The following DNAJC21 variants were observed in gnomAD, a reference collection of about 807,000 sequenced individuals.
DNAJC21 encodes the protein dnaJ homolog subfamily C member 21.
Under a neutral mutation model 72.4 loss-of-function variants are expected in DNAJC21, and 63 were observed. That is an observed-to-expected ratio of 0.87 (90% CI 0.71 to 1.07). DNAJC21 has a LOEUF of 1.07. DNAJC21 is among the 50% of genes least tolerant of loss of function. DNAJC21 has a pLI of 0.00. For synonymous variants in DNAJC21, 203 were observed against 216.7 expected, an observed-to-expected ratio of 0.94 and a Z score of 0.56; for missense variants, 634 against 644.8, an observed-to-expected ratio of 0.98 and a Z score of 0.18.
Position 34,949,491 on chromosome 5 carries a change from G to C in DNAJC21, c.1186-679G>C, listed in dbSNP as rs563669469. On this transcript the variant is annotated intron_variant, in intron 9 of 11. Coordinates refer to ENST00000648817, the MANE Select transcript of DNAJC21 (RefSeq NM_001012339.3). The stretch of plus-strand genomic sequence containing the variant: ...GTGGGTTGTGTAACAGATAATATTA[G>C]CATTAGATTCTTGAGTGTGAGTATT... 649 of 1,550,048 alleles carry C rather than the reference G, an allele frequency of 4.2e-4. 7 individuals are homozygous for C. The South Asian group carries it at 7.2e-3, about 17-fold the overall frequency.
Position 34,944,942 on chromosome 5 carries a change from A to G in DNAJC21, c.1059A>G (p.Glu353=). 6.2e-7 allele frequency: 1 copy of G among 1,614,242 alleles called. No homozygotes were observed. The highest frequency in any genetic ancestry group is 8.5e-7 in the Non-Finnish European group (1 of 1,180,038). ...ALLKQQLEEE[E]ENFSRPQIDE... is the part of the protein sequence containing the mutation. ...TAAAACAACAGCTGGAGGAGGAAGA[A>G]GAAAATTTTTCAAGACCTCAAATTG... The change falls in exon 8 of 12, where the codon GAA becomes GAG. Residue 353 remains glutamate (E), a synonymous_variant. Coordinates refer to ENST00000648817, the MANE Select transcript of DNAJC21 (RefSeq NM_001012339.3).
In DNAJC21 at chr5:34,929,878, A is replaced by G; in HGVS notation, c.59A>G (p.Lys20Arg). 6.3e-7 allele frequency: 1 copy of G among 1,584,562 alleles called. No individual in the cohort carries two copies. Among genetic ancestry groups the G allele is most frequent in the Non-Finnish European group, 8.6e-7 (1 of 1,166,194 alleles). The change falls in exon 1 of 12, where the codon AAG (lysine) becomes AGG (arginine). Residue 20 changes from lysine (K) to arginine (R), a missense_variant. Lys to Arg is a conservative substitution (Grantham distance 26). Coordinates refer to ENST00000648817, the MANE Select transcript of DNAJC21 (RefSeq NM_001012339.3). ...VRRDASEEEL[K>R]KAYRKLALKW... The stretch of plus-strand genomic sequence containing the variant: ...CGCGACGCCAGCGAGGAGGAGCTCA[A>G]GAAGGCCTATCGGAAGCTGGCCCTG...
intron 1 of DNAJC21, among the ~76,000 whole-genome samples, chr5:34,932,666 C>T (rs558384077): frequency 6.6e-6 from 1 of 152,262 alleles, no homozygotes; most frequent in South Asian, 2.1e-4. Context: ...AACCTGCTTC[C>T]AGCTCACCAA....
chr5:34,934,394 A>AT (rs375582769), intron 2 of DNAJC21, among the ~76,000 whole-genome samples: 4,818 of 134,466 alleles, frequency 0.036, 90 homozygotes, highest in Middle Eastern at 0.091. Context: ...ACACACCTGT[A>AT]TTTTTTTTTT....
chr5:34,944,676 A>T (rs1765113739), intron 7 of DNAJC21, among the ~76,000 whole-genome samples, 191 bp from the exon 8 acceptor site: 1 of 152,192 alleles, frequency 6.6e-6, no homozygotes, highest in Non-Finnish European at 1.5e-5. Flanking sequence ...CTGCCAAGGA[A>T]TCCTGACACG....
chr5:34,941,280 C>T, intron 7 of DNAJC21, 97 bp downstream of exon 7: 2 of 1,101,696 alleles, frequency 1.8e-6, no homozygotes, highest in Non-Finnish European at 1.3e-6. Flanking sequence ...TCACCACAGC[C>T]TCGACCTGTT....
rs889188358 is a variant in DNAJC21, at chr5:34,934,056, G to A, written c.191+148G>A. ...ACCTAGTCATCACATAAAATCTAAC[G>A]TTTGGGTCAGAAGGAAGCTTGGAAA... On this transcript the variant is annotated intron_variant, in intron 2 of 11. Coordinates refer to ENST00000648817, the MANE Select transcript of DNAJC21 (RefSeq NM_001012339.3). 2.7e-5 allele frequency: 17 copies of A among 621,824 alleles called. 1 individual carries two copies. Among genetic ancestry groups the A allele is most frequent in the Non-Finnish European group, 4.6e-5 (17 of 373,242 alleles). 38.5% of individuals were successfully genotyped at this position (621,824 alleles called of 1,614,324 possible).
chr5:34,951,878 T>C (rs553517692), intron 10 of DNAJC21: 1 of 985,504 alleles, frequency 1.0e-6, no homozygotes, highest in Non-Finnish European at 1.2e-6. Flanking sequence ...GTTCTCAGGC[T>C]TGGGCAACCA....
In DNAJC21 at chr5:34,954,805, T is replaced by C; in HGVS notation, c.*91T>C. 1.6e-6 allele frequency: 2 copies of C among 1,273,586 alleles called. No homozygotes were observed. The highest frequency in any genetic ancestry group is 2.1e-6 in the Non-Finnish European group (2 of 963,490). The allele number at this position is 1,273,586 out of a possible 1,614,324, so 78.9% of individuals were successfully genotyped here. ...ATCTAAAGAGTTAAAATTTCAGTGA[T>C]CTGCAATTAATTACATTGTGGAAGA... On this transcript the variant is annotated 3_prime_UTR_variant, in exon 12 of 12. Coordinates refer to ENST00000648817, the MANE Select transcript of DNAJC21 (RefSeq NM_001012339.3).
intron 7 of DNAJC21, 47 bp downstream of exon 7, chr5:34,941,230 C>A: frequency 6.5e-7 from 1 of 1,539,746 alleles, no homozygotes. Flanking sequence ...CAGGGTCTCA[C>A]TCTGTCACCA....
chr5:34,951,184 A>G (rs1339584043), intron 10 of DNAJC21: 43 of 985,460 alleles, frequency 4.4e-5, no homozygotes, highest in Non-Finnish European at 4.9e-5. Flanking sequence ...AAAAAGGTAT[A>G]TAAAGAACTA....
chr5:34,949,660 T>G lies in DNAJC21; in HGVS notation c.1186-510T>G, dbSNP rs1765294471. ...GAGCGAGCACAAATGTGCCAAAATG[T>G]TGCTTGAAAACAGACAGGTACGCTT... On this transcript the variant is annotated intron_variant, in intron 9 of 11. Coordinates refer to ENST00000648817, the MANE Select transcript of DNAJC21 (RefSeq NM_001012339.3). 1.9e-6 allele frequency: 3 copies of G among 1,613,666 alleles called. No individual in the cohort carries two copies. In the African/African-American group the frequency reaches 4.0e-5, roughly 22 times the overall value.
At chr5:34,938,735 G>A in intron 5 of DNAJC21, 123 bp from the exon 6 acceptor site, 3 of 1,091,554 alleles carry the variant, frequency 2.7e-6, no homozygotes, top group Non-Finnish European at 2.4e-6. Context: ...CAGGTTTTAA[G>A]TTTGTAAGCG....
chr5:34,946,862 AAC>A (rs1765188880), intron 9 of DNAJC21, among the ~76,000 whole-genome samples: 1 of 152,214 alleles, frequency 6.6e-6, no homozygotes, highest in African/African-American at 2.4e-5. Context: ...TGCAACCATA[AAC>A]ACATACGTTA....
At chr5:34,943,338 G>A (rs914006932) in intron 7 of DNAJC21, among the ~76,000 whole-genome samples, 2 of 152,044 alleles carry the variant, frequency 1.3e-5, no homozygotes, top group African/African-American at 4.8e-5. Flanking sequence ...TTCTCATTTT[G>A]TCTTTGTGCA....
At chr5:34,941,047 T>C (rs1012708603) in intron 6 of DNAJC21, 49 bp from the exon 7 acceptor site, 1 of 1,407,774 alleles carries the variant, frequency 7.1e-7, no homozygotes, top group Non-Finnish European at 1.0e-6. Flanking sequence ...ATATTTTAGA[T>C]TTGTGCTCTG....
At chr5:34,945,631 A>C (rs1389845149) in intron 8 of DNAJC21, 130 bp from the exon 9 acceptor site, 2 of 730,590 alleles carry the variant, frequency 2.7e-6, no homozygotes, top group East Asian at 6.1e-5. Flanking sequence ...TTAATGCTTT[A>C]AGATATTAAA....
chr5:34,957,439 A>C lies in DNAJC21; in HGVS notation c.*2725A>C, dbSNP rs1309296062. The C allele has an allele frequency of 1.3e-5, 2 of 152,236 alleles. No individual in the cohort carries two copies. Among genetic ancestry groups the C allele is most frequent in the Non-Finnish European group, 2.9e-5 (2 of 68,048 alleles). 9.4% of individuals were successfully genotyped at this position (152,236 alleles called of 1,614,324 possible). On this transcript the variant is annotated 3_prime_UTR_variant, in exon 12 of 12. Coordinates refer to ENST00000648817, the MANE Select transcript of DNAJC21 (RefSeq NM_001012339.3). ...AAGAGCAGTATCCTTAGCTCTAGCCAAGCATTTTTCTAATTCCTGCCTTTG... is the reference window on the plus strand; with the variant it reads ...AAGAGCAGTATCCTTAGCTCTAGCCCAGCATTTTTCTAATTCCTGCCTTTG...
chr5:34,941,076 T>C lies in DNAJC21; in HGVS notation c.896-20T>C, dbSNP rs1245052509. On this transcript the variant is annotated intron_variant, in intron 6 of 11. Coordinates refer to ENST00000648817, the MANE Select transcript of DNAJC21 (RefSeq NM_001012339.3). ...TGCTCTGATCAAAGAGGGTTCTTACTGTAGGCTTCCCTGTCATAGGTAAAG... is the reference window on the plus strand; with the variant it reads ...TGCTCTGATCAAAGAGGGTTCTTACCGTAGGCTTCCCTGTCATAGGTAAAG... 1 of 1,606,368 alleles carries C rather than the reference T, an allele frequency of 6.2e-7. No individual in the cohort carries two copies. The highest frequency in any genetic ancestry group is 8.5e-7 in the Non-Finnish European group (1 of 1,173,500).
Sources: allele counts gnomAD v4.1 joint callset (sites outside exome capture counted in the v4.1 genomes callset), GRCh38; gene constraint gnomAD v4.1.1; transcripts MANE v1.5; gene names NCBI Gene and HGNC (gene_info 2026-07-23, HGNC 2026-07-21).